The following EIPR1 variants were observed in gnomAD, a reference collection of about 807,000 sequenced individuals.
The protein encoded by EIPR1 is EARP complex and GARP complex interacting protein 1.
In EIPR1, 25 loss-of-function variants were observed where a neutral mutation model predicts 48.1. The ratio of observed to expected loss-of-function variants is 0.52; its 90% CI spans 0.38 to 0.73. The LOEUF is 0.73. EIPR1 is among the 30% of genes least tolerant of loss of function. The pLI is 0.00. For missense variants in EIPR1, 415 were observed against 506.2 expected (o/e 0.82, Z 1.73); for synonymous variants, 204 against 201.9 (o/e 1.01, Z -0.09).
chr2:3,192,719 G>A (rs1435191800), intron 7 of EIPR1, 138 bp from the exon 8 acceptor site: 2 of 807,534 alleles, frequency 2.5e-6, no homozygotes, highest in South Asian at 1.8e-5. Context: ...CAGTCACAGG[G>A]CCTGACATAA....
At chr2:3,303,534 C>T (rs527779594) in intron 3 of EIPR1, among the ~76,000 whole-genome samples, 15 of 152,374 alleles carry the variant, frequency 9.8e-5, no homozygotes, top group Admixed American at 7.8e-4. Context: ...CTGAATCAGT[C>T]TCACCCAAAT....
chr2:3,358,778 G>A (rs554280862), intron 1 of EIPR1, among the ~76,000 whole-genome samples: 1 of 152,186 alleles, frequency 6.6e-6, no homozygotes, highest in Non-Finnish European at 1.5e-5. Flanking sequence ...CTACTCCAAG[G>A]CTGAGCCCCA....
In EIPR1 at chr2:3,351,957, C is replaced by G. The variant is rs573495408; in HGVS notation, c.126+2593G>C. Among the ~76,000 whole-genome samples, 4 of 152,344 alleles carry G rather than the reference C, an allele frequency of 2.6e-5. No individual in the cohort carries two copies. In the South Asian group the frequency reaches 8.3e-4, roughly 32 times the overall value. On this transcript the variant is annotated intron_variant, in intron 2 of 8. Coordinates refer to ENST00000382125, the MANE Select transcript of EIPR1 (RefSeq NM_003310.5). ...CCATCCCACTCCATCCCACCCGAAA[C>G]GTGAGTCATCCCTTTGATCAGCATA...
intron 3 of EIPR1, among the ~76,000 whole-genome samples, chr2:3,306,757 G>C (rs566465652): frequency 6.6e-6 from 1 of 152,164 alleles, no homozygotes; most frequent in Non-Finnish European, 1.5e-5. Context: ...TGAGGAGGAG[G>C]AAGAGGAGGT....
At chr2:3,281,130 C>A (rs1667999883) in intron 3 of EIPR1, among the ~76,000 whole-genome samples, 1 of 152,164 alleles carries the variant, frequency 6.6e-6, no homozygotes, top group African/African-American at 2.4e-5. Flanking sequence ...CACCACACTC[C>A]CTGGTCTTTC....
chr2:3,214,539 C>T (rs1247122838), intron 4 of EIPR1: 1 of 251,134 alleles, frequency 4.0e-6, no homozygotes, highest in African/African-American at 2.2e-5. Context: ...GTCCTCACAT[C>T]CGTCGTAAGT....
At chr2:3,335,554 G>A (rs781589834) in intron 3 of EIPR1, among the ~76,000 whole-genome samples, 5 of 152,142 alleles carry the variant, frequency 3.3e-5, no homozygotes, top group African/African-American at 7.2e-5. Context: ...CAAGCACAGC[G>A]TCTCCAGCCG....
At chr2:3,239,853 CTA>C (rs1666537895) in intron 4 of EIPR1, among the ~76,000 whole-genome samples, 1 of 152,246 alleles carries the variant, frequency 6.6e-6, no homozygotes, top group Admixed American at 6.5e-5. Context: ...GTCTCTGGTC[CTA>C]TGACATGTAT....
At chr2:3,319,610 C>A (rs1669429139) in intron 3 of EIPR1, 1 of 167,060 alleles carries the variant, frequency 6.0e-6, no homozygotes, top group South Asian at 1.5e-4. Context: ...TGCCCAAGTA[C>A]CGGCTACAGT....
chr2:3,319,254 T>C (rs62121539), intron 3 of EIPR1: 57,103 of 310,242 alleles, frequency 0.18, 5,510 homozygotes, highest in Non-Finnish European at 0.21. Flanking sequence ...CTTGTAGCTG[T>C]AGGTCAGGTG....
intron 5 of EIPR1, among the ~76,000 whole-genome samples, chr2:3,200,157 G>C (rs1167404533): frequency 2.0e-5 from 3 of 152,078 alleles, no homozygotes; most frequent in Non-Finnish European, 4.4e-5. Flanking sequence ...GCACCAGCAG[G>C]CTGGGTGTTG....
At chr2:3,236,388 G>A (rs571967493) in intron 4 of EIPR1, among the ~76,000 whole-genome samples, 1 of 152,326 alleles carries the variant, frequency 6.6e-6, no homozygotes, top group South Asian at 2.1e-4. Flanking sequence ...CCAGGGACAT[G>A]AGCAGAGGCT....
chr2:3,328,154 C>G (rs749228630), intron 3 of EIPR1, among the ~76,000 whole-genome samples: 1 of 152,204 alleles, frequency 6.6e-6, no homozygotes, highest in Non-Finnish European at 1.5e-5. Context: ...GAACTCAGAC[C>G]TCCAGGTCCA....
rs1189524429 is a variant in EIPR1 at position 3,208,496 on chromosome 2, T to C, written c.516+5653A>G. On this transcript the variant is annotated intron_variant, in intron 5 of 8. Coordinates refer to ENST00000382125, the MANE Select transcript of EIPR1 (RefSeq NM_003310.5). Reference sequence around the variant, plus strand: ...TGTCAGTTGGGAGGGGGCCCAATTATATGATGAGGAGGTCTGTGTCTGATT... The same window carrying C: ...TGTCAGTTGGGAGGGGGCCCAATTACATGATGAGGAGGTCTGTGTCTGATT... 5.2e-6 allele frequency: 8 copies of C among 1,527,522 alleles called. No individual in the cohort carries two copies. The South Asian group carries it at 9.9e-5, about 19-fold the overall frequency. The allele number at this position is 1,527,522 out of a possible 1,614,324, so 94.6% of individuals were successfully genotyped here. A position where few individuals can be genotyped will look rare whatever the true frequency, so the allele number is the denominator to read the frequency against.
At chr2:3,199,071 C>CCCCCT (rs1558216901) in intron 5 of EIPR1, among the ~76,000 whole-genome samples, 16 of 50,448 alleles carry the variant, frequency 3.2e-4, no homozygotes, top group African/African-American at 9.2e-4. Context: ...GCCCCCCCCC[C>CCCCCT]GCCCCGGGAA....
At chr2:3,282,007 G>C (rs1265965538) in intron 3 of EIPR1, among the ~76,000 whole-genome samples, 1 of 152,200 alleles carries the variant, frequency 6.6e-6, no homozygotes, top group Non-Finnish European at 1.5e-5. Flanking sequence ...GCTTTAAAAG[G>C]GGCACTGCGT....
At chr2:3,327,185 GTCATT>G (rs773856307) in intron 3 of EIPR1, among the ~76,000 whole-genome samples, 1 of 152,180 alleles carries the variant, frequency 6.6e-6, no homozygotes, top group African/African-American at 2.4e-5. Flanking sequence ...GTCATGTCAT[GTCATT>G]TCATTTATTT....
At chr2:3,234,173 G>A (rs1319642320) in intron 4 of EIPR1, among the ~76,000 whole-genome samples, 3 of 152,182 alleles carry the variant, frequency 2.0e-5, no homozygotes, top group Admixed American at 1.3e-4. Context: ...AAACTTGCAG[G>A]AATGAGGGCA....
intron 3 of EIPR1, among the ~76,000 whole-genome samples, chr2:3,297,370 C>A (rs989232895): frequency 2.6e-5 from 4 of 152,234 alleles, no homozygotes; most frequent in African/African-American, 9.6e-5. Flanking sequence ...CATCTTACAC[C>A]GCTGGTGAGG....
Sources: gnomAD v4.1 joint callset for allele counts (sites outside exome capture counted in the v4.1 genomes callset) on GRCh38, gnomAD v4.1.1 for gene constraint, MANE v1.5 for transcripts, NCBI Gene and HGNC (gene_info 2026-07-23, HGNC 2026-07-21) for gene names.